ONECUT2: variants seen among roughly 807,000 people sequenced by gnomAD.
ONECUT2 encodes the protein one cut domain family member 2.
ONECUT2 carries 10 observed loss-of-function variants against 27.9 expected under a neutral mutation model. The observed-to-expected ratio is 0.36, with a 90% CI of 0.22 to 0.61. ONECUT2 has a LOEUF of 0.61. Among genes scored for constraint, ONECUT2 ranks in the 20% least tolerant of loss-of-function variants. The pLI is 0.73. For synonymous variants in ONECUT2, 334 were observed against 315.1 expected (o/e 1.06, Z -0.64); for missense variants, 686 against 721.0 (o/e 0.95, Z 0.56).
At chr18:57,448,332 CT>C (rs1216282500) in intron 1 of ONECUT2, among the ~76,000 whole-genome samples, 1 of 151,978 alleles carries the variant, frequency 6.6e-6, no homozygotes, top group South Asian at 2.1e-4. Context: ...TTTTTTTCCC[CT>C]GTGACAATTT....
intron 1 of ONECUT2, among the ~76,000 whole-genome samples, chr18:57,460,687 C>CTTTTTT (rs66773926): frequency 4.4e-5 from 5 of 112,956 alleles, no homozygotes; most frequent in African/African-American, 6.9e-5. Context: ...TCATTCAAAT[C>CTTTTTT]TTTTTTTTTT....
At position 57,487,940 on chromosome 18, in the gene ONECUT2, A is replaced by G. The variant is rs1458128840; in HGVS notation, c.*11217A>G. 6.6e-6 allele frequency: 1 copy of G among 152,224 alleles called. No individual in the cohort carries two copies. The highest frequency in any genetic ancestry group is 1.5e-5 in the Non-Finnish European group (1 of 68,024). 9.4% of individuals were successfully genotyped at this position (152,224 alleles called of 1,614,324 possible). A position where few individuals can be genotyped will look rare whatever the true frequency, so the allele number is the denominator to read the frequency against. On this transcript the variant is annotated 3_prime_UTR_variant, in exon 2 of 2. Coordinates refer to ENST00000491143, the MANE Select transcript of ONECUT2 (RefSeq NM_004852.3). ...TATTTCCCAAACCAAAATGCTTGAC[A>G]TAAAGCCAAATCAACTGCCAAGCAC...
chr18:57,436,394 G>T lies in ONECUT2; in HGVS notation c.678G>T (p.Pro226=). Residue 226 remains proline (P), a synonymous_variant, in exon 1 of 2, where the codon CCG becomes CCT. Transcript: ENST00000491143. The surrounding 1 kb of genome is among the most constrained non-coding windows in gnomAD (Gnocchi z 5.9). ...CCGGCATGAGCCAGAGCCTGTCCCCGCTGGCCGCCACGCCGCTGGGCAACG... is the reference window on the plus strand; with the variant it reads ...CCGGCATGAGCCAGAGCCTGTCCCCTCTGGCCGCCACGCCGCTGGGCAACG... ...EMPGMSQSLS[P]LAATPLGNGL... The T allele has an allele frequency of 1.9e-6, 3 of 1,609,750 alleles. No homozygotes were observed. The highest frequency in any genetic ancestry group is 2.5e-6 in the Non-Finnish European group (3 of 1,179,782).
intron 1 of ONECUT2, among the ~76,000 whole-genome samples, chr18:57,467,807 C>T (rs1246680588): frequency 3.3e-5 from 5 of 152,200 alleles, no homozygotes; most frequent in African/African-American, 4.8e-5. Flanking sequence ...TCCCGGACTC[C>T]GGGCAGCTCG....
At chr18:57,466,972 G>A (rs2050324580) in intron 1 of ONECUT2, among the ~76,000 whole-genome samples, 1 of 152,224 alleles carries the variant, frequency 6.6e-6, no homozygotes, top group Admixed American at 6.5e-5. Flanking sequence ...GCACCTGCGG[G>A]CAGCTACAGG....
chr18:57,489,730 T>A lies in ONECUT2; in HGVS notation c.*13007T>A, dbSNP rs1310184445. 6.6e-6 allele frequency: 1 copy of A among 152,160 alleles called. No homozygotes were observed. Among genetic ancestry groups the A allele is most frequent in the African/African-American group, 2.4e-5 (1 of 41,444 alleles). The allele number at this position is 152,160 out of a possible 1,614,324, so 9.4% of individuals were successfully genotyped here. ...CAGATACTTCCTTGAAGGTAGAATATTATTTCCTTTCTTTACAGTTTTGTG... is the reference window on the plus strand; with the variant it reads ...CAGATACTTCCTTGAAGGTAGAATAATATTTCCTTTCTTTACAGTTTTGTG... On this transcript the variant is annotated 3_prime_UTR_variant, in exon 2 of 2. Coordinates refer to ENST00000491143, the MANE Select transcript of ONECUT2 (RefSeq NM_004852.3).
At position 57,488,123 on chromosome 18, in the gene ONECUT2, A is replaced by T. The variant is rs531113627; in HGVS notation, c.*11400A>T. On this transcript the variant is annotated 3_prime_UTR_variant, in exon 2 of 2. Coordinates refer to ENST00000491143, the MANE Select transcript of ONECUT2 (RefSeq NM_004852.3). Reference sequence around the variant, plus strand: ...GCTCTCGTGAATAATAAAAAGCAACATATTTTTATTTGGCCTTATAAATTA... The same window carrying T: ...GCTCTCGTGAATAATAAAAAGCAACTTATTTTTATTTGGCCTTATAAATTA... 6.6e-6 allele frequency: 1 copy of T among 152,630 alleles called. No individual in the cohort carries two copies. The highest frequency in any genetic ancestry group is 1.5e-5 in the Non-Finnish European group (1 of 68,038). The allele number at this position is 152,630 out of a possible 1,614,324, so 9.5% of individuals were successfully genotyped here. A position where few individuals can be genotyped will look rare whatever the true frequency, so the allele number is the denominator to read the frequency against.
intron 1 of ONECUT2, among the ~76,000 whole-genome samples, chr18:57,453,661 C>T (rs932261491): frequency 3.4e-4 from 2 of 5,818 alleles, no homozygotes; most frequent in African/African-American, 8.6e-4. Flanking sequence ...AAATTCATAA[C>T]TTCTTTCATG....
chr18:57,444,436 C>G (rs572354336), intron 1 of ONECUT2: 4 of 456,716 alleles, frequency 8.8e-6, no homozygotes, highest in South Asian at 4.6e-5. Context: ...GGGTGGGTAG[C>G]AAGCCTTTCC....
rs924546037 is a variant in ONECUT2, at chr18:57,488,272, A to G, written c.*11549A>G. The G allele has an allele frequency of 3.3e-5, 5 of 152,660 alleles. No individual in the cohort carries two copies. Among genetic ancestry groups the G allele is most frequent in the Non-Finnish European group, 5.9e-5 (4 of 68,036 alleles). The allele number at this position is 152,660 out of a possible 1,614,324, so 9.5% of individuals were successfully genotyped here. A position where few individuals can be genotyped will look rare whatever the true frequency, so the allele number is the denominator to read the frequency against. On this transcript the variant is annotated 3_prime_UTR_variant, in exon 2 of 2. Coordinates refer to ENST00000491143, the MANE Select transcript of ONECUT2 (RefSeq NM_004852.3). ...TTGTAAGACAATTGATGATTGTAAT[A>G]GTGTTTAATCTTCCAGAAAGCTTTA...
At chr18:57,439,909 G>T (rs1378186694) in intron 1 of ONECUT2, among the ~76,000 whole-genome samples, 2 of 152,246 alleles carry the variant, frequency 1.3e-5, no homozygotes, top group Admixed American at 6.5e-5. Flanking sequence ...GGGGTTTAGG[G>T]GGCTCAGAAT....
At chr18:57,447,390 G>C (rs760212707) in intron 1 of ONECUT2, among the ~76,000 whole-genome samples, 3 of 152,248 alleles carry the variant, frequency 2.0e-5, no homozygotes, top group Non-Finnish European at 4.4e-5. Flanking sequence ...CAGCTCTGTA[G>C]GTCTCAGCGC....
chr18:57,462,090 G>A (rs774841190), intron 1 of ONECUT2, among the ~76,000 whole-genome samples: 2 of 152,214 alleles, frequency 1.3e-5, no homozygotes, highest in South Asian at 4.1e-4. Context: ...CCAGCTCTTG[G>A]TATTGACTTT....
intron 1 of ONECUT2, among the ~76,000 whole-genome samples, chr18:57,447,222 G>T (rs2050204680): frequency 6.6e-6 from 1 of 152,246 alleles, no homozygotes; most frequent in African/African-American, 2.4e-5. Context: ...CCTGCCTGGA[G>T]CCCCTGGTAG....
chr18:57,459,347 C>T (rs1472484960), intron 1 of ONECUT2, among the ~76,000 whole-genome samples: 3 of 152,010 alleles, frequency 2.0e-5, no homozygotes, highest in Non-Finnish European at 2.9e-5. Flanking sequence ...AGGGTCACTA[C>T]GTAATGAGAA....
chr18:57,456,226 A>T (rs1345081711), intron 1 of ONECUT2, among the ~76,000 whole-genome samples: 2 of 152,150 alleles, frequency 1.3e-5, no homozygotes, highest in Non-Finnish European at 2.9e-5. Flanking sequence ...CAGAAATACC[A>T]CTTCTGAGTA....
At chr18:57,455,205 G>C (rs1344391538) in intron 1 of ONECUT2, among the ~76,000 whole-genome samples, 2 of 152,124 alleles carry the variant, frequency 1.3e-5, no homozygotes, top group African/African-American at 4.8e-5. Flanking sequence ...TGGCTCCCTG[G>C]AGAGCTCCTG....
intron 1 of ONECUT2, among the ~76,000 whole-genome samples, chr18:57,457,001 GAA>G (rs1195532385): frequency 6.6e-6 from 1 of 151,798 alleles, no homozygotes; most frequent in East Asian, 1.9e-4. Context: ...GTTGGTGAGG[GAA>G]AAAACAACTA....
Position 57,488,488 on chromosome 18 carries a change from C to A in ONECUT2, c.*11765C>A, listed in dbSNP as rs1598950533. On this transcript the variant is annotated 3_prime_UTR_variant, in exon 2 of 2. Transcript: ENST00000491143. ...GCCCTTTTTTTAATCACAGGCAATG[C>A]ATGGGTCTGGCTGGTTACACTTTGC... is the stretch of plus-strand genomic sequence containing the variant. 4 of 152,686 alleles carry A rather than the reference C, an allele frequency of 2.6e-5. No individual in the cohort carries two copies. The East Asian group carries it at 5.8e-4, about 22-fold the overall frequency. The allele number at this position is 152,686 out of a possible 1,614,324, so 9.5% of individuals were successfully genotyped here. A position where few individuals can be genotyped will look rare whatever the true frequency, so the allele number is the denominator to read the frequency against.
Sources: allele counts gnomAD v4.1 joint callset (sites outside exome capture counted in the v4.1 genomes callset), GRCh38; gene constraint gnomAD v4.1.1; non-coding constraint Gnocchi (gnomAD v3.1); transcripts MANE v1.5; gene names NCBI Gene and HGNC (gene_info 2026-07-23, HGNC 2026-07-21).